The following RPGRIP1 variants were observed in gnomAD, a reference collection of about 807,000 sequenced individuals.
The protein encoded by RPGRIP1 is RPGR interacting protein 1.
RPGRIP1 carries 128 observed loss-of-function variants against 157.9 expected under a neutral mutation model. The observed-to-expected ratio is 0.81, with a 90% CI of 0.70 to 0.94. The LOEUF is 0.94. RPGRIP1 is among the 40% of genes least tolerant of loss of function. The probability of loss-of-function intolerance (pLI) is 0.00; values close to 1 mark genes in which losing one functional copy is unlikely to be tolerated. For synonymous variants in RPGRIP1, 554 were observed against 571.6 expected (o/e 0.97, Z 0.44); for missense variants, 1,486 against 1,545.8 (o/e 0.96, Z 0.65).
chr14:21,324,564 C>T, intron 14 of RPGRIP1, 54 bp from the exon 15 acceptor site: 1 of 1,463,524 alleles, frequency 6.8e-7, no homozygotes, highest in Non-Finnish European at 9.5e-7. Flanking sequence ...CTCCTCTACC[C>T]TAAGAAAGAG....
chr14:21,309,869 C>A (rs140456392), intron 7 of RPGRIP1, among the ~76,000 whole-genome samples: 2 of 151,714 alleles, frequency 1.3e-5, no homozygotes, highest in Non-Finnish European at 2.9e-5. Flanking sequence ...GTGGGTGGAT[C>A]GCTTGAGGTC....
intron 2 of RPGRIP1, among the ~76,000 whole-genome samples, chr14:21,294,052 CA>C (rs370207654): frequency 2.7e-4 from 26 of 94,900 alleles, no homozygotes; most frequent in Middle Eastern, 6.3e-3. Flanking sequence ...GACCCTGTCT[CA>C]AAAAAAAAAA....
At chr14:21,303,987 T>A (rs1488538063) in intron 6 of RPGRIP1, among the ~76,000 whole-genome samples, 2 of 84,878 alleles carry the variant, frequency 2.4e-5, no homozygotes, top group Admixed American at 1.2e-4. Context: ...AAACTTGGTC[T>A]CAAAAAAAAA....
At chr14:21,320,746 C>T (rs958943121) in intron 12 of RPGRIP1, among the ~76,000 whole-genome samples, 3 of 151,844 alleles carry the variant, frequency 2.0e-5, no homozygotes, top group Non-Finnish European at 4.4e-5. Context: ...ATTACAGGTG[C>T]TTGCCACCAC....
chr14:21,325,510 C>A, intron 16 of RPGRIP1, 127 bp downstream of exon 16: 1 of 931,290 alleles, frequency 1.1e-6, no homozygotes, highest in Non-Finnish European at 1.6e-6. Context: ...TGTCACACCA[C>A]AACTAGTCTG....
chr14:21,332,339 A>G (rs1786438341), intron 20 of RPGRIP1, among the ~76,000 whole-genome samples: 1 of 152,150 alleles, frequency 6.6e-6, no homozygotes, highest in Admixed American at 6.6e-5. Context: ...TTTTCTATTG[A>G]TTATGTAATC....
chr14:21,326,994 G>A (rs1883182679), intron 17 of RPGRIP1, among the ~76,000 whole-genome samples: 1 of 152,076 alleles, frequency 6.6e-6, no homozygotes, highest in South Asian at 2.1e-4. Flanking sequence ...GGAGGGTGAG[G>A]TGGGGGTATC....
At chr14:21,316,213 G>A (rs1477432508) in intron 10 of RPGRIP1, among the ~76,000 whole-genome samples, 9 of 151,670 alleles carry the variant, frequency 5.9e-5, no homozygotes, top group African/African-American at 1.9e-4. Context: ...TCCTGACCTC[G>A]AGATCTGCCT....
intron 1 of RPGRIP1, among the ~76,000 whole-genome samples, chr14:21,281,491 C>A (rs576268470): frequency 1.1e-3 from 163 of 151,616 alleles, no homozygotes; most frequent in Non-Finnish European, 9.3e-4. Context: ...GAGTTCAAGA[C>A]CAGTCTGGCC....
intron 20 of RPGRIP1, among the ~76,000 whole-genome samples, chr14:21,332,028 T>TC (rs1217383899): frequency 6.7e-6 from 1 of 149,128 alleles, no homozygotes; most frequent in Non-Finnish European, 1.5e-5. Context: ...AATCTCTGCC[T>TC]CCCAGGTTCA....
chr14:21,338,271 T>C (rs61977495), intron 21 of RPGRIP1, among the ~76,000 whole-genome samples: 28,868 of 152,180 alleles, frequency 0.19, 3,081 homozygotes, highest in African/African-American at 0.29. Flanking sequence ...ATTTGCTCTA[T>C]GGTCCCAGAT....
chr14:21,328,337 T>A (rs1196575835), intron 18 of RPGRIP1, 87 bp from the exon 19 acceptor site: 1 of 952,094 alleles, frequency 1.1e-6, no homozygotes, highest in East Asian at 2.4e-5. Flanking sequence ...AGAAATGAAG[T>A]CTAACACTAG....
chr14:21,315,455 C>T (rs10146895), intron 10 of RPGRIP1, among the ~76,000 whole-genome samples: 3,796 of 148,542 alleles, frequency 0.026, 165 homozygotes, highest in African/African-American at 0.09. Context: ...TGCAGTGAGC[C>T]GAGATCGCGC....
intron 21 of RPGRIP1, among the ~76,000 whole-genome samples, chr14:21,338,035 C>A (rs570561234): frequency 6.6e-6 from 1 of 151,916 alleles, no homozygotes; most frequent in East Asian, 1.9e-4. Context: ...TCCTGTCTCA[C>A]CCTCCCGAGT....
At chr14:21,328,374 A>G (rs1428128052) in intron 18 of RPGRIP1, 50 bp from the exon 19 acceptor site, 8 of 1,357,500 alleles carry the variant, frequency 5.9e-6, no homozygotes, top group South Asian at 1.3e-5. Flanking sequence ...TTGTGTTTCT[A>G]GGTTGTTAAA....
intron 24 of RPGRIP1, among the ~76,000 whole-genome samples, chr14:21,350,391 A>G (rs10151827): frequency 7.0e-6 from 1 of 142,790 alleles, no homozygotes; most frequent in Non-Finnish European, 1.5e-5. Flanking sequence ...AAAAAAAAAA[A>G]AAAAAGAAAA....
intron 2 of RPGRIP1, among the ~76,000 whole-genome samples, chr14:21,293,865 C>G (rs1156747092): frequency 6.7e-6 from 1 of 149,806 alleles, no homozygotes; most frequent in Admixed American, 6.7e-5. Flanking sequence ...GGCGAGAGTG[C>G]GAGACTCCGT....
At chr14:21,297,693 A>C (rs1273621015) in intron 3 of RPGRIP1, among the ~76,000 whole-genome samples, 1 of 152,116 alleles carries the variant, frequency 6.6e-6, no homozygotes, top group Non-Finnish European at 1.5e-5. Flanking sequence ...ATCTCAGCAA[A>C]TGTGTTAGAA....
intron 12 of RPGRIP1, 69 bp from the exon 13 acceptor site, chr14:21,321,190 T>C (rs371709569): frequency 6.7e-7 from 1 of 1,495,684 alleles, no homozygotes; most frequent in Non-Finnish European, 9.0e-7. Flanking sequence ...ACAACTGTTT[T>C]ATGGAGAATC....
Sources: allele counts gnomAD v4.1 joint callset (sites outside exome capture counted in the v4.1 genomes callset), GRCh38; gene constraint gnomAD v4.1.1; transcripts MANE v1.5; gene names NCBI Gene and HGNC (gene_info 2026-07-23, HGNC 2026-07-21).